The following DDC variants were observed in gnomAD, a reference collection of about 807,000 sequenced individuals.
DDC encodes the protein aromatic-L-amino-acid decarboxylase.
DDC carries 43 observed loss-of-function variants against 60.0 expected under a neutral mutation model. That is an observed-to-expected ratio of 0.72 (90% CI 0.56 to 0.92). The LOEUF is 0.92. Ranked by LOEUF, DDC falls within the 40% of genes least tolerant of loss-of-function variation. DDC has a pLI of 0.00. For missense variants in DDC, 573 were observed against 620.2 expected (o/e 0.92, Z 0.81); for synonymous variants, 232 against 234.6 (o/e 0.99, Z 0.10).
intron 1 of DDC, among the ~76,000 whole-genome samples, chr7:50,550,670 G>A (rs144933719): frequency 2.5e-4 from 38 of 152,328 alleles, no homozygotes; most frequent in African/African-American, 8.9e-4. Flanking sequence ...TGCAAAGCAA[G>A]GCCCTCCCGC....
chr7:50,533,588 C>A (rs2044289472), intron 4 of DDC, among the ~76,000 whole-genome samples: 1 of 152,140 alleles, frequency 6.6e-6, no homozygotes, highest in Non-Finnish European at 1.5e-5. Context: ...AGCCACCACA[C>A]CAGGTCCATA....
At position 50,544,169 on chromosome 7, in the gene DDC, G is replaced by A. The variant is rs3779076; in HGVS notation, c.-28-56C>T. ...TTTTGCAACCTCTGAACTGGAAGGC[G>A]GGGATACCAAGCAAGCCGTGGGTAG... On this transcript the variant is annotated intron_variant, in intron 1 of 14. Transcript: ENST00000444124. 17,503 of 1,372,706 alleles carry A rather than the reference G, an allele frequency of 0.013. 1,042 individuals are homozygous for A. In the Admixed American group the frequency reaches 0.15, roughly 11 times the overall value. 85.0% of individuals were successfully genotyped at this position (1,372,706 alleles called of 1,614,324 possible). A position where few individuals can be genotyped will look rare whatever the true frequency, so the allele number is the denominator to read the frequency against.
chr7:50,461,390 A>G (rs2042269923), intron 14 of DDC, among the ~76,000 whole-genome samples: 2 of 151,894 alleles, frequency 1.3e-5, no homozygotes, highest in Non-Finnish European at 2.9e-5. Flanking sequence ...TATTGTTCTA[A>G]TCTGTCCAAA....
intron 6 of DDC, among the ~76,000 whole-genome samples, chr7:50,512,230 C>A (rs2043599699): frequency 6.6e-6 from 1 of 151,850 alleles, no homozygotes; most frequent in Admixed American, 6.6e-5. Context: ...GAAAATAAAG[C>A]TGGAATAGCT....
intron 14 of DDC, among the ~76,000 whole-genome samples, chr7:50,462,768 GTTTTT>G (rs11302809): frequency 1.0e-5 from 1 of 98,362 alleles, no homozygotes. Context: ...TCTTCTTCTT[GTTTTT>G]TTTTTTTTTT....
chr7:50,540,141 G>A (rs567777134), intron 2 of DDC, 113 bp from the exon 3 acceptor site: 12 of 761,084 alleles, frequency 1.6e-5, no homozygotes, highest in Admixed American at 4.0e-5. Context: ...CAGACCCAGA[G>A]TTAGGTGAGT....
chr7:50,463,149 T>G, intron 14 of DDC, 64 bp downstream of exon 14: 1 of 1,362,988 alleles, frequency 7.3e-7, no homozygotes, highest in South Asian at 1.2e-5. Flanking sequence ...GGGTCTGGAC[T>G]CCAGGAGGAC....
chr7:50,525,729 A>C (rs928183005), intron 6 of DDC, among the ~76,000 whole-genome samples: 1 of 152,118 alleles, frequency 6.6e-6, no homozygotes, highest in South Asian at 2.1e-4. Flanking sequence ...GCATCACTGC[A>C]CTCCAACCTG....
chr7:50,491,046 T>G (rs1291092413), intron 9 of DDC, among the ~76,000 whole-genome samples: 1 of 152,232 alleles, frequency 6.6e-6, no homozygotes, highest in Non-Finnish European at 1.5e-5. Context: ...CTAAAATTTT[T>G]CCTGGCTACA....
chr7:50,502,629 G>A (rs569935266), intron 7 of DDC, among the ~76,000 whole-genome samples: 9 of 152,262 alleles, frequency 5.9e-5, no homozygotes, highest in Non-Finnish European at 7.4e-5. Context: ...ACCACTTCCC[G>A]CCAGTTGTTC....
At chr7:50,498,447 T>C (rs1461045375) in intron 8 of DDC, among the ~76,000 whole-genome samples, 2 of 152,202 alleles carry the variant, frequency 1.3e-5, no homozygotes, top group Non-Finnish European at 2.9e-5. Context: ...AAAGCTGAGT[T>C]CTTGGGGAGA....
intron 6 of DDC, among the ~76,000 whole-genome samples, chr7:50,519,887 G>A (rs1445779686): frequency 2.0e-5 from 3 of 152,052 alleles, no homozygotes; most frequent in Non-Finnish European, 4.4e-5. Flanking sequence ...AATAACTTAT[G>A]GGGGAAAAAA....
At chr7:50,543,825 C>A in intron 2 of DDC, 60 bp downstream of exon 2, 2 of 1,504,040 alleles carry the variant, frequency 1.3e-6, no homozygotes, top group South Asian at 2.3e-5. Context: ...TTGCTCAGAG[C>A]CAAGTAGGTG....
chr7:50,531,534 T>A (rs539687270), intron 4 of DDC, among the ~76,000 whole-genome samples: 1 of 151,954 alleles, frequency 6.6e-6, no homozygotes, highest in Non-Finnish European at 1.5e-5. Context: ...TGAGTCACCA[T>A]GAATCACCTG....
At chr7:50,463,162 T>C in intron 14 of DDC, 51 bp downstream of exon 14, 2 of 1,479,152 alleles carry the variant, frequency 1.4e-6, no homozygotes, top group Non-Finnish European at 1.8e-6. Flanking sequence ...AGGAGGACAC[T>C]CTTGCCACGG....
In DDC at chr7:50,463,258, G is replaced by A. The variant is rs892676540; in HGVS notation, c.1416C>T (p.Ala472=). ...ACTCCCTCTCTGCTCGCAGCACGTC[G>A]GCCGCCAGCTCTTTGATGTGTTCCC... ...RAWEHIKELA[A]DVLRAERE The change falls in exon 14 of 15, where the codon GCC becomes GCT. Residue 472 remains alanine (A), a synonymous_variant. Coordinates refer to ENST00000444124, the MANE Select transcript of DDC (RefSeq NM_001082971.2). 1.1e-5 allele frequency: 17 copies of A among 1,613,738 alleles called. No individual in the cohort carries two copies. Among genetic ancestry groups the A allele is most frequent in the East Asian group, 8.9e-5 (4 of 44,894 alleles).
intron 9 of DDC, chr7:50,493,028 A>T (rs2043042772): frequency 6.4e-7 from 1 of 1,566,108 alleles, no homozygotes; most frequent in East Asian, 2.2e-5. Flanking sequence ...CGCCGCATTC[A>T]TTACACTCCT....
chr7:50,468,931 ATTTT>A (rs36005269), intron 12 of DDC, among the ~76,000 whole-genome samples: 79 of 86,160 alleles, frequency 9.2e-4, no homozygotes, highest in African/African-American at 3.1e-3. Flanking sequence ...CAGTTTCCTC[ATTTT>A]TTTTTTTTTT....
intron 14 of DDC, chr7:50,459,710 C>T (rs1270471786): frequency 1.2e-5 from 2 of 165,592 alleles, no homozygotes; most frequent in South Asian, 1.6e-4. Context: ...GTGAGGAGAC[C>T]CTCCGCCTGG....
Sources: allele counts gnomAD v4.1 joint callset (sites outside exome capture counted in the v4.1 genomes callset), GRCh38; gene constraint gnomAD v4.1.1; transcripts MANE v1.5; gene names NCBI Gene and HGNC (gene_info 2026-07-23, HGNC 2026-07-21).